Variants in GEMIN7 observed in about 807,000 individuals in gnomAD.
GEMIN7 encodes gem nuclear organelle associated protein 7.
Under a neutral mutation model 7.8 loss-of-function variants are expected in GEMIN7, and 7 were observed. The ratio of observed to expected loss-of-function variants is 0.90; its 90% confidence interval spans 0.51 to 1.69. The LOEUF (loss-of-function observed/expected upper bound fraction) is 1.69. Ranked by LOEUF, GEMIN7 falls within the 40% of genes most tolerant of loss-of-function variation. GEMIN7 has a pLI of 0.00. For synonymous variants in GEMIN7, 68 were observed against 72.4 expected, an observed-to-expected ratio of 0.94 and a Z score of 0.31; for missense variants, 159 against 176.2, an observed-to-expected ratio of 0.90 and a Z score of 0.55.
In GEMIN7 at chr19:45,090,108, C is replaced by T. The variant is rs1967840623; in HGVS notation, c.-7C>T. On this transcript the variant is annotated splice_region_variant and 5_prime_UTR_variant, in exon 3 of 3. Transcript: ENST00000270257. ...CTGCTCTTTTTCTTCACTCAACAGC[C>T]AAGACAATGCAAACTCCAGTGAACA... The T allele has an allele frequency of 6.2e-7, 1 of 1,603,762 alleles. No individual in the cohort carries two copies. The highest frequency in any genetic ancestry group is 1.1e-5 in the South Asian group (1 of 90,824).
chr19:45,081,381 G>A (rs1398311280), intron 2 of GEMIN7, among the ~76,000 whole-genome samples: 5 of 151,748 alleles, frequency 3.3e-5, no homozygotes, highest in South Asian at 2.1e-4. Context: ...GCTTGAACCC[G>A]GGAGGCGGAG....
chr19:45,076,096 G>A, upstream of GEMIN7: 1 of 1,581,918 alleles, frequency 6.3e-7, no homozygotes, highest in Non-Finnish European at 8.6e-7. The surrounding 1 kb of genome is among the most constrained non-coding windows in gnomAD (Gnocchi z 4.9). Flanking sequence ...CGGGGTCAAC[G>A]GCGTCCACAG....
chr19:45,086,783 G>C (rs972938499), intron 2 of GEMIN7, among the ~76,000 whole-genome samples: 10 of 152,168 alleles, frequency 6.6e-5, no homozygotes, highest in Admixed American at 2.6e-4. Flanking sequence ...AGAGAAAACT[G>C]TCTCTTACTG....
At chr19:45,083,341 G>A (rs1158471376) in intron 2 of GEMIN7, among the ~76,000 whole-genome samples, 1 of 152,004 alleles carries the variant, frequency 6.6e-6, no homozygotes, top group Non-Finnish European at 1.5e-5. Context: ...CAGCTACTCA[G>A]GAGGCTGAGG....
At position 45,079,937 on chromosome 19, in the gene GEMIN7, T is replaced by G. The variant is rs1455476267; in HGVS notation, c.-101T>G. 6.6e-6 allele frequency: 1 copy of G among 152,268 alleles called. No individual in the cohort carries two copies. Among genetic ancestry groups the G allele is most frequent in the Non-Finnish European group, 1.5e-5 (1 of 68,082 alleles). 9.4% of individuals were successfully genotyped at this position (152,268 alleles called of 1,614,324 possible). On this transcript the variant is annotated 5_prime_UTR_variant, in exon 2 of 3. Transcript: ENST00000270257. ...GCGGCTTCTCTGTTGACAACTCAGC[T>G]GGTTCCACACCCTGGCAATTGTGAA... is the stretch of plus-strand genomic sequence containing the variant.
In GEMIN7 at chr19:45,091,025, G is replaced by A. The variant is rs1967877943; in HGVS notation, c.*515G>A. On this transcript the variant is annotated 3_prime_UTR_variant, in exon 3 of 3. Coordinates refer to ENST00000270257, the MANE Select transcript of GEMIN7 (RefSeq NM_024707.3). ...GCTGAATCCAGTGGAGCTGGGCCAA[G>A]TACGACAGGAGTCCAGATAAAGGTG... 5.8e-6 allele frequency: 1 copy of A among 171,638 alleles called. No homozygotes were observed. The highest frequency in any genetic ancestry group is 1.4e-5 in the Non-Finnish European group (1 of 70,596). The allele number at this position is 171,638 out of a possible 1,614,324, so 10.6% of individuals were successfully genotyped here.
Position 45,090,410 on chromosome 19 carries a change from T to C in GEMIN7, c.296T>C (p.Val99Ala). The change falls in exon 3 of 3, where the codon GTG becomes GCG. Residue 99 changes from valine to alanine, a missense_variant. Val to Ala is a moderately conservative substitution (Grantham distance 64). Transcript: ENST00000270257. ...AAHFGATDLD[V>A]ANFYVSQLQT... ...CACTTTGGAGCCACCGACCTGGATG[T>C]GGCCAACTTCTACGTGTCACAGCTG... 1 of 1,614,204 alleles carries C rather than the reference T, an allele frequency of 6.2e-7. No homozygotes were observed. Among genetic ancestry groups the C allele is most frequent in the Non-Finnish European group, 8.5e-7 (1 of 1,180,050 alleles).
intron 2 of GEMIN7, among the ~76,000 whole-genome samples, chr19:45,083,596 CTTCTTTTT>C (rs1397771183): frequency 1.4e-4 from 12 of 88,732 alleles, no homozygotes; most frequent in African/African-American, 3.5e-4. Context: ...TCCAATTCTT[CTTCTTTTT>C]TTTTTTTTTT....
At chr19:45,081,838 C>A (rs1350268311) in intron 2 of GEMIN7, among the ~76,000 whole-genome samples, 1 of 152,136 alleles carries the variant, frequency 6.6e-6, no homozygotes, top group African/African-American at 2.4e-5. Context: ...GTTGACCAGG[C>A]TGGTCTCATC....
rs1967866464 is a variant in GEMIN7, at chr19:45,090,594, C to T, written c.*84C>T. On this transcript the variant is annotated 3_prime_UTR_variant, in exon 3 of 3. Coordinates refer to ENST00000270257, the MANE Select transcript of GEMIN7 (RefSeq NM_024707.3). ...GTTCCCGAGCCAGGAACTCTGGGCC[C>T]CATGGAGTTATGAGCTCCCTTGGAA... 5 of 1,384,110 alleles carry T rather than the reference C, an allele frequency of 3.6e-6. No individual in the cohort carries two copies. Among genetic ancestry groups the T allele is most frequent in the Non-Finnish European group, 5.0e-6 (5 of 1,006,648 alleles). The allele number at this position is 1,384,110 out of a possible 1,614,324, so 85.7% of individuals were successfully genotyped here.
intron 2 of GEMIN7, among the ~76,000 whole-genome samples, chr19:45,083,391 G>A (rs1433036325): frequency 6.6e-6 from 1 of 152,028 alleles, no homozygotes; most frequent in African/African-American, 2.4e-5. Flanking sequence ...AGGTTGCAAT[G>A]AGCCAAGATT....
rs772236456 is a variant in GEMIN7, at chr19:45,090,451, G to T, written c.337G>T (p.Val113Leu). The change falls in exon 3 of 3, where the codon GTG (valine) becomes TTG (leucine). Residue 113 changes from valine to leucine, a missense_variant. Val to Leu is a conservative substitution (Grantham distance 32). Coordinates refer to ENST00000270257, the MANE Select transcript of GEMIN7 (RefSeq NM_024707.3). Reference protein sequence around the residue: ...YVSQLQTPIGVQAEALLRCSD... With the variant: ...YVSQLQTPIGLQAEALLRCSD... Reference sequence around the variant, plus strand: ...GTCACAGCTGCAGACTCCCATAGGTGTGCAAGCAGAGGCGCTGCTCCGATG... The same window carrying T: ...GTCACAGCTGCAGACTCCCATAGGTTTGCAAGCAGAGGCGCTGCTCCGATG... The T allele has an allele frequency of 1.9e-6, 3 of 1,613,962 alleles. No homozygotes were observed. In the Admixed American group the frequency reaches 5.0e-5, roughly 27 times the overall value.
At chr19:45,083,655 A>G (rs1967579301) in intron 2 of GEMIN7, among the ~76,000 whole-genome samples, 1 of 131,910 alleles carries the variant, frequency 7.6e-6, no homozygotes, top group Non-Finnish European at 1.5e-5. Flanking sequence ...GCTGGAGTGC[A>G]GTGGTGCAAT....
intron 2 of GEMIN7, among the ~76,000 whole-genome samples, chr19:45,087,200 G>A (rs1967723114): frequency 6.6e-6 from 1 of 152,146 alleles, no homozygotes; most frequent in South Asian, 2.1e-4. Context: ...CTGGAGTACA[G>A]TGGCACAATC....
chr19:45,085,916 G>A (rs1475434930), intron 2 of GEMIN7, among the ~76,000 whole-genome samples: 1 of 138,594 alleles, frequency 7.2e-6, no homozygotes, highest in Non-Finnish European at 1.5e-5. Flanking sequence ...CGCCCAGGCT[G>A]GAGTGCAGTG....
upstream of GEMIN7, among the ~76,000 whole-genome samples, chr19:45,077,134 TGAG>T (rs896214892): frequency 2.6e-5 from 4 of 152,046 alleles, no homozygotes; most frequent in Non-Finnish European, 5.9e-5. Context: ...GCCTGGGCAT[TGAG>T]GAATTACAAG....
Position 45,090,279 on chromosome 19 carries a change from G to A in GEMIN7, c.165G>A (p.Glu55=), listed in dbSNP as rs1325467794. 1.2e-6 allele frequency: 2 copies of A among 1,614,194 alleles called. No homozygotes were observed. The highest frequency in any genetic ancestry group is 2.2e-5 in the South Asian group (2 of 91,092). Reference sequence around the variant, plus strand: ...CTCAAGAATCCCTGGAATCCCAGGAGCAGCGGGCACGAGCCGCCCTTCGGG... The same window carrying A: ...CTCAAGAATCCCTGGAATCCCAGGAACAGCGGGCACGAGCCGCCCTTCGGG... ...PIAQESLESQ[E]QRARAALRER... is the part of the protein sequence containing the mutation. Residue 55 remains glutamate, a synonymous_variant, in exon 3 of 3, where the codon GAG becomes GAA. Transcript: ENST00000270257.
intron 2 of GEMIN7, among the ~76,000 whole-genome samples, chr19:45,083,597 TTC>T (rs1491341369): frequency 0.025 from 2,220 of 89,510 alleles, 152 homozygotes; most frequent in African/African-American, 0.091. Context: ...CCAATTCTTC[TTC>T]TTTTTTTTTT....
chr19:45,089,539 TTTA>T (rs1967820995), intron 2 of GEMIN7, among the ~76,000 whole-genome samples: 1 of 151,780 alleles, frequency 6.6e-6, no homozygotes, highest in Non-Finnish European at 1.5e-5. Context: ...AAAGCTGGGG[TTTA>T]TTCTTTTTTT....
Sources: allele counts gnomAD v4.1 joint callset (sites outside exome capture counted in the v4.1 genomes callset), GRCh38; gene constraint gnomAD v4.1.1; non-coding constraint Gnocchi (gnomAD v3.1); transcripts MANE v1.5; gene names NCBI Gene and HGNC (gene_info 2026-07-23, HGNC 2026-07-21).